MTMR7: variants seen among roughly 807,000 people sequenced by gnomAD.
MTMR7 encodes phosphatidylinositol-3-phosphate phosphatase MTMR7.
Under a neutral mutation model 81.2 loss-of-function variants are expected in MTMR7, and 76 were observed. That is an observed-to-expected ratio of 0.94 (90% CI 0.78 to 1.13). The LOEUF (loss-of-function observed/expected upper bound fraction) is 1.13. Among genes scored for constraint, MTMR7 ranks in the 50% most tolerant of loss-of-function variants. The pLI is 0.00. For missense variants in MTMR7, 1,044 were observed against 820.0 expected (o/e 1.27, Z -3.34); for synonymous variants, 372 against 289.8 (o/e 1.28, Z -2.88).
intron 13 of MTMR7, 23 bp downstream of exon 13, chr8:17,302,131 T>C (rs1235476639): frequency 6.2e-7 from 1 of 1,613,936 alleles, no homozygotes; most frequent in Non-Finnish European, 8.5e-7. Flanking sequence ...AGAAAATAGA[T>C]TAACAAAGCA....
intron 1 of MTMR7, among the ~76,000 whole-genome samples, chr8:17,406,180 T>C (rs1445061343): frequency 6.6e-6 from 1 of 152,150 alleles, no homozygotes; most frequent in Non-Finnish European, 1.5e-5. Context: ...AAACTTCTTG[T>C]GCTTCAAGAG....
intron 6 of MTMR7, among the ~76,000 whole-genome samples, chr8:17,337,875 A>G (rs1819296704): frequency 6.6e-6 from 1 of 152,170 alleles, no homozygotes; most frequent in Admixed American, 6.5e-5. Flanking sequence ...TGAGGCTTTC[A>G]TCTGAACAGG....
intron 1 of MTMR7, among the ~76,000 whole-genome samples, chr8:17,387,695 G>C (rs1165895976): frequency 6.6e-6 from 1 of 152,084 alleles, no homozygotes; most frequent in African/African-American, 2.4e-5. Context: ...ACAGATTTTG[G>C]AGCCACCTAA....
intron 4 of MTMR7, 57 bp from the exon 5 acceptor site, chr8:17,349,138 GC>G: frequency 6.3e-6 from 10 of 1,576,174 alleles, no homozygotes; most frequent in Admixed American, 1.7e-5. Flanking sequence ...CCTGCGAACT[GC>G]CCCCAGAAAT....
intron 7 of MTMR7, 72 bp downstream of exon 7, chr8:17,331,078 G>T (rs1818974782): frequency 1.3e-6 from 2 of 1,513,646 alleles, no homozygotes; most frequent in Non-Finnish European, 1.8e-6. Flanking sequence ...TTAAAATCAA[G>T]ACTATCTTAT....
At chr8:17,300,693 G>A (rs938380538) in intron 13 of MTMR7, among the ~76,000 whole-genome samples, 1 of 152,124 alleles carries the variant, frequency 6.6e-6, no homozygotes, top group Non-Finnish European at 1.5e-5. Flanking sequence ...GTTGTGCAAC[G>A]ATCACTACTA....
chr8:17,331,344 C>G (rs1818991846), intron 6 of MTMR7, 62 bp from the exon 7 acceptor site: 4 of 1,498,834 alleles, frequency 2.7e-6, no homozygotes, highest in African/African-American at 1.4e-5. Context: ...GATGAAACAA[C>G]CAAAACATTT....
chr8:17,306,599 A>G (rs1254315058), intron 10 of MTMR7, among the ~76,000 whole-genome samples: 1 of 152,114 alleles, frequency 6.6e-6, no homozygotes, highest in Non-Finnish European at 1.5e-5. Context: ...AGCCCTTTAC[A>G]CTACTGTGTG....
At chr8:17,307,201 C>A (rs1380317286) in intron 10 of MTMR7, among the ~76,000 whole-genome samples, 3 of 151,148 alleles carry the variant, frequency 2.0e-5, no homozygotes, top group Admixed American at 1.3e-4. Context: ...AAGAAAAAAA[C>A]AACCCCATCA....
chr8:17,343,943 T>G (rs1819478304), intron 5 of MTMR7, among the ~76,000 whole-genome samples: 1 of 152,214 alleles, frequency 6.6e-6, no homozygotes, highest in Non-Finnish European at 1.5e-5. Context: ...GAGCACAGAT[T>G]AAAAACTCTT....
At chr8:17,304,653 T>C in intron 11 of MTMR7, 134 bp from the exon 12 acceptor site, 2 of 861,358 alleles carry the variant, frequency 2.3e-6, no homozygotes, top group Non-Finnish European at 3.6e-6. Flanking sequence ...CAGGTAAATG[T>C]ATCATCTTGG....
intron 4 of MTMR7, chr8:17,349,352 A>C (rs953566445): frequency 1.4e-5 from 4 of 289,776 alleles, no homozygotes; most frequent in African/African-American, 4.2e-5. Context: ...GTGCAAGACC[A>C]GTGACAATGA....
chr8:17,313,363 A>G lies in MTMR7; in HGVS notation c.904T>C (p.Trp302Arg). The change falls in exon 8 of 14, where the codon TGG becomes CGG. Residue 302 changes from tryptophan to arginine, a missense_variant. Trp to Arg is a moderately radical substitution (Grantham distance 101). Coordinates refer to ENST00000180173, the MANE Select transcript of MTMR7 (RefSeq NM_004686.5). ...AACCAGCCAGAGTTCTCCAGACCCC[A>G]CAGGAAATCACTCATGGAGGGAGAT... is the stretch of plus-strand genomic sequence containing the variant. The part of the protein sequence containing the change: ...LKSPSMSDFL[W>R]GLENSGWLRH... 6.2e-7 allele frequency: 1 copy of G among 1,612,970 alleles called. No individual in the cohort carries two copies. Among genetic ancestry groups the G allele is most frequent in the Non-Finnish European group, 8.5e-7 (1 of 1,179,164 alleles).
intron 4 of MTMR7, among the ~76,000 whole-genome samples, chr8:17,357,901 T>C (rs1474332536): frequency 1.3e-5 from 2 of 152,240 alleles, no homozygotes; most frequent in African/African-American, 4.8e-5. Flanking sequence ...TAAATAACTT[T>C]TTTTCTTTTT....
At chr8:17,323,939 T>C (rs1009388925) in intron 7 of MTMR7, among the ~76,000 whole-genome samples, 2 of 152,220 alleles carry the variant, frequency 1.3e-5, no homozygotes, top group Non-Finnish European at 2.9e-5. Context: ...ATTTTAAAAT[T>C]AATCTTTGAA....
At position 17,364,030 on chromosome 8, in the gene MTMR7, T is replaced by A. The variant is rs999460147; in HGVS notation, c.311-2756A>T. ...AAAAAGTGTTGCTATTATTTTTTTT[T>A]TTTTTTTTTTTTTTTTTCAGACGGA... is the stretch of plus-strand genomic sequence containing the variant. On this transcript the variant is annotated intron_variant, in intron 3 of 13. Transcript: ENST00000180173. Among the ~76,000 whole-genome samples the A allele has an allele frequency of 7.3e-3, 985 of 135,094 alleles. 4 individuals carry two copies. The highest frequency in any genetic ancestry group is 0.012 in the Non-Finnish European group (768 of 63,034). 88.6% of individuals were successfully genotyped at this position (135,094 alleles called of 152,430 possible). A position where few individuals can be genotyped will look rare whatever the true frequency, so the allele number is the denominator to read the frequency against.
At chr8:17,390,702 A>G (rs1020386143) in intron 1 of MTMR7, among the ~76,000 whole-genome samples, 1 of 152,192 alleles carries the variant, frequency 6.6e-6, no homozygotes, top group Non-Finnish European at 1.5e-5. Flanking sequence ...GGAAACTTAC[A>G]ATCATGGCAG....
intron 6 of MTMR7, among the ~76,000 whole-genome samples, chr8:17,338,439 A>C (rs1400713507): frequency 2.6e-5 from 4 of 152,200 alleles, no homozygotes; most frequent in Non-Finnish European, 5.9e-5. Context: ...GGTAAGAAAC[A>C]GGCTTCCCAA....
intron 4 of MTMR7, among the ~76,000 whole-genome samples, chr8:17,359,441 T>A (rs1232800224): frequency 6.6e-6 from 1 of 151,820 alleles, no homozygotes; most frequent in African/African-American, 2.4e-5. Flanking sequence ...CTACAAAAAC[T>A]TTGAAAAATT....
Sources: allele counts gnomAD v4.1 joint callset (sites outside exome capture counted in the v4.1 genomes callset), GRCh38; gene constraint gnomAD v4.1.1; transcripts MANE v1.5; gene names NCBI Gene and HGNC (gene_info 2026-07-23, HGNC 2026-07-21).